ADCY8: variants seen among roughly 807,000 people sequenced by gnomAD.
ADCY8 encodes the protein adenylate cyclase type 8.
In ADCY8, 51 loss-of-function variants were observed where a neutral mutation model predicts 119.7. The observed-to-expected ratio is 0.43, with a 90% CI of 0.34 to 0.54. ADCY8 has a LOEUF of 0.54. Ranked by LOEUF, ADCY8 falls within the 20% of genes least tolerant of loss-of-function variation. The probability of loss-of-function intolerance (pLI) is 0.03; values close to 1 mark genes in which losing one functional copy is unlikely to be tolerated. For synonymous variants in ADCY8, 665 were observed against 651.0 expected, an observed-to-expected ratio of 1.02 and a Z score of -0.33; for missense variants, 1,383 against 1,598.8, an observed-to-expected ratio of 0.87 and a Z score of 2.30.
intron 3 of ADCY8, 113 bp downstream of exon 3, chr8:130,951,754 CA>C: frequency 1.5e-6 from 2 of 1,301,900 alleles, no homozygotes; most frequent in South Asian, 1.5e-5. Flanking sequence ...ATTAATCAAC[CA>C]GATGAGGAAA....
intron 2 of ADCY8, among the ~76,000 whole-genome samples, chr8:130,954,643 A>G (rs1018268826): frequency 1.3e-5 from 2 of 152,206 alleles, no homozygotes; most frequent in Non-Finnish European, 2.9e-5. Flanking sequence ...AACCTTTACT[A>G]TAGCTCCATA....
chr8:130,913,755 G>A lies in ADCY8; in HGVS notation c.1482-3889C>T, dbSNP rs888576995. 3.3e-5 allele frequency among the ~76,000 whole-genome samples: 5 copies of A among 152,158 alleles called. No homozygotes were observed. The South Asian group carries it at 8.3e-4, about 25-fold the overall frequency. ...AAGCACTGAGATTTTAGGGATGTTTGTTACTATCCTGACTGGCACAATCAT... is the reference window on the plus strand; with the variant it reads ...AAGCACTGAGATTTTAGGGATGTTTATTACTATCCTGACTGGCACAATCAT... On this transcript the variant is annotated intron_variant, in intron 5 of 17. Coordinates refer to ENST00000286355, the MANE Select transcript of ADCY8 (RefSeq NM_001115.3).
chr8:130,923,344 T>C (rs1268239981), intron 5 of ADCY8, among the ~76,000 whole-genome samples: 1 of 152,234 alleles, frequency 6.6e-6, no homozygotes, highest in Non-Finnish European at 1.5e-5. Flanking sequence ...GAGGCAGGTT[T>C]AGGCATTCTT....
At chr8:131,038,208 C>T (rs1824224244) in intron 1 of ADCY8, among the ~76,000 whole-genome samples, 1 of 152,130 alleles carries the variant, frequency 6.6e-6, no homozygotes, top group Admixed American at 6.5e-5. Flanking sequence ...TCAGTGGGGT[C>T]GTGCCTGTTT....
At chr8:131,000,826 A>C (rs1264297829) in intron 1 of ADCY8, among the ~76,000 whole-genome samples, 1 of 152,040 alleles carries the variant, frequency 6.6e-6, no homozygotes, top group Non-Finnish European at 1.5e-5. Context: ...GTAAAGGGAA[A>C]AGAGACAACA....
At chr8:130,816,119 A>G (rs1326500194) in intron 13 of ADCY8, among the ~76,000 whole-genome samples, 1 of 152,214 alleles carries the variant, frequency 6.6e-6, no homozygotes, top group African/African-American at 2.4e-5. Flanking sequence ...AAAATTTTAA[A>G]GTCTCAGTGG....
intron 1 of ADCY8, among the ~76,000 whole-genome samples, chr8:131,005,561 C>A (rs747439111): frequency 6.6e-6 from 1 of 152,202 alleles, no homozygotes; most frequent in African/African-American, 2.4e-5. Context: ...CCACTCTTTG[C>A]CCAGAAAAGT....
At chr8:130,982,094 T>C (rs1822257718) in intron 2 of ADCY8, among the ~76,000 whole-genome samples, 1 of 152,186 alleles carries the variant, frequency 6.6e-6, no homozygotes, top group Admixed American at 6.5e-5. Flanking sequence ...AATAATGCGC[T>C]AGGAAGATTG....
At chr8:130,927,267 C>A (rs535515702) in intron 5 of ADCY8, among the ~76,000 whole-genome samples, 1 of 152,276 alleles carries the variant, frequency 6.6e-6, no homozygotes, top group African/African-American at 2.4e-5. Flanking sequence ...TATCTCTTGA[C>A]TTTTTGATAG....
intron 11 of ADCY8, among the ~76,000 whole-genome samples, chr8:130,838,374 T>C (rs970953627): frequency 2.8e-4 from 43 of 152,238 alleles, no homozygotes; most frequent in African/African-American, 1.0e-3. Flanking sequence ...ATAGGCTTTC[T>C]TCAGCTATCC....
intron 9 of ADCY8, 74 bp downstream of exon 9, chr8:130,867,772 A>G: frequency 4.7e-6 from 5 of 1,065,648 alleles, no homozygotes; most frequent in Non-Finnish European, 5.6e-6. Context: ...TTCTTTGAAA[A>G]GTCAGCTGGC....
chr8:131,039,285 A>C, intron 1 of ADCY8, 89 bp downstream of exon 1: 1 of 1,542,636 alleles, frequency 6.5e-7, no homozygotes. Context: ...ACTTAAAGAG[A>C]GTGAGGCAAC....
At chr8:130,990,353 C>G in intron 2 of ADCY8, 40 bp downstream of exon 2, 1 of 1,606,634 alleles carries the variant, frequency 6.2e-7, no homozygotes, top group South Asian at 1.1e-5. Context: ...TAGAGACTGG[C>G]TAGGTGATAA....
chr8:130,884,280 T>G (rs1338573632), intron 8 of ADCY8, among the ~76,000 whole-genome samples: 1 of 152,174 alleles, frequency 6.6e-6, no homozygotes, highest in Non-Finnish European at 1.5e-5. Flanking sequence ...AATCTGAAAG[T>G]GGAAGAAACT....
At chr8:130,896,040 TTC>T (rs1013498901) in intron 7 of ADCY8, among the ~76,000 whole-genome samples, 3 of 152,130 alleles carry the variant, frequency 2.0e-5, no homozygotes, top group African/African-American at 7.2e-5. Flanking sequence ...GACTTGCTTT[TTC>T]TCCCATTCTA....
chr8:130,928,140 G>T (rs187509669), intron 5 of ADCY8, among the ~76,000 whole-genome samples: 2 of 152,242 alleles, frequency 1.3e-5, no homozygotes, highest in Non-Finnish European at 2.9e-5. Context: ...ATACAGTGGT[G>T]CTAACACAGC....
At chr8:130,808,278 G>T (rs549486762) in intron 14 of ADCY8, among the ~76,000 whole-genome samples, 2 of 152,198 alleles carry the variant, frequency 1.3e-5, no homozygotes, top group Non-Finnish European at 2.9e-5. Context: ...CCTGGCACAT[G>T]GTTGGCCCTC....
At chr8:131,009,766 G>A (rs778790798) in intron 1 of ADCY8, among the ~76,000 whole-genome samples, 2 of 152,196 alleles carry the variant, frequency 1.3e-5, no homozygotes, top group African/African-American at 2.4e-5. Flanking sequence ...TAACATTTAA[G>A]TTGATTCATG....
chr8:130,954,899 T>A (rs533040760), intron 2 of ADCY8, among the ~76,000 whole-genome samples: 1 of 152,190 alleles, frequency 6.6e-6, no homozygotes, highest in Non-Finnish European at 1.5e-5. Context: ...GCTAACAGTA[T>A]GCAACAAAGC....
Sources: allele counts gnomAD v4.1 joint callset (sites outside exome capture counted in the v4.1 genomes callset), GRCh38; gene constraint gnomAD v4.1.1; transcripts MANE v1.5; gene names NCBI Gene and HGNC (gene_info 2026-07-23, HGNC 2026-07-21).